The following RYR2 variants were observed in gnomAD, a reference collection of about 807,000 sequenced individuals.
RYR2 encodes the protein cardiac muscle ryanodine receptor-calcium release channel.
RYR2 carries 227 observed loss-of-function variants against 601.1 expected under a neutral mutation model. That is an observed-to-expected ratio of 0.38 (90% CI 0.34 to 0.42). RYR2 has a LOEUF of 0.42. RYR2 is among the 10% of genes least tolerant of loss of function. The pLI, the probability that RYR2 is intolerant of heterozygous loss-of-function variation, is 1.00. For synonymous variants in RYR2, 2,223 were observed against 2,175.1 expected (o/e 1.02, Z -0.61); for missense variants, 4,646 against 6,156.5 (o/e 0.75, Z 8.21).
intron 74 of RYR2, among the ~76,000 whole-genome samples, chr1:237,724,458 ATAATTTCTC>A (rs758831797): frequency 4.0e-5 from 6 of 151,680 alleles, no homozygotes; most frequent in Non-Finnish European, 8.8e-5. Context: ...CCAAACGTTA[ATAATTTCTC>A]TATTGTCATG....
At position 237,244,667 on chromosome 1, in the gene RYR2, A is replaced by G. The variant is rs532178389; in HGVS notation, c.49-25830A>G. Among the ~76,000 whole-genome samples, 458 of 152,210 alleles carry G rather than the reference A, an allele frequency of 3.0e-3. 1 individual carries two copies. The highest frequency in any genetic ancestry group is 5.2e-3 in the South Asian group (25 of 4,812). ...CTTTTCCTCTCGGAATCCCGTCTCT[A>G]TCACTAGAGAGGGAGCTCTTTTCCT... On this transcript the variant is annotated intron_variant, in intron 1 of 104. Transcript: ENST00000366574.
intron 61 of RYR2, among the ~76,000 whole-genome samples, chr1:237,679,262 C>A (rs984782125): frequency 1.3e-5 from 2 of 152,088 alleles, no homozygotes; most frequent in African/African-American, 2.4e-5. Flanking sequence ...TACTCAGCAC[C>A]CCCGGTGCAT....
intron 20 of RYR2, among the ~76,000 whole-genome samples, chr1:237,498,594 C>T (rs1275151955): frequency 1.3e-5 from 2 of 151,320 alleles, no homozygotes; most frequent in African/African-American, 2.4e-5. Flanking sequence ...AAACATTGAT[C>T]GACAATGCCA....
intron 1 of RYR2, among the ~76,000 whole-genome samples, chr1:237,251,102 A>G (rs755231541): frequency 1.3e-5 from 2 of 151,664 alleles, no homozygotes; most frequent in African/African-American, 2.4e-5. Flanking sequence ...TTTTATTTCT[A>G]CAAAGACAGG....
intron 10 of RYR2, among the ~76,000 whole-genome samples, chr1:237,404,281 C>A (rs75092415): frequency 0.041 from 6,222 of 152,188 alleles, 205 homozygotes; most frequent in Non-Finnish European, 0.067. Flanking sequence ...TTATAGAGAA[C>A]AACTCATTAC....
chr1:237,250,856 A>G (rs1013912843), intron 1 of RYR2, among the ~76,000 whole-genome samples: 4 of 152,168 alleles, frequency 2.6e-5, no homozygotes, highest in Non-Finnish European at 5.9e-5. Context: ...CCTCAAGTGT[A>G]TCAAAAACAC....
At chr1:237,122,945 G>A (rs1190605176) in intron 1 of RYR2, among the ~76,000 whole-genome samples, 2 of 152,078 alleles carry the variant, frequency 1.3e-5, no homozygotes, top group Non-Finnish European at 2.9e-5. Context: ...AAATTTTCAT[G>A]GACTCTGAGA....
chr1:237,446,693 C>T (rs1243648535), intron 14 of RYR2, among the ~76,000 whole-genome samples: 1 of 152,124 alleles, frequency 6.6e-6, no homozygotes, highest in Non-Finnish European at 1.5e-5. Flanking sequence ...AAAATGTGCA[C>T]AGCATTTGGC....
intron 2 of RYR2, among the ~76,000 whole-genome samples, chr1:237,322,244 A>G (rs1230610461): frequency 1.3e-5 from 2 of 152,228 alleles, no homozygotes; most frequent in East Asian, 3.8e-4. Flanking sequence ...ACTATATTAC[A>G]TAATTAATTG....
At chr1:237,061,215 A>ATCTG (rs1427251175) in intron 1 of RYR2, among the ~76,000 whole-genome samples, 4 of 138,114 alleles carry the variant, frequency 2.9e-5, no homozygotes, top group African/African-American at 1.1e-4. Flanking sequence ...CGGTTGTTCT[A>ATCTG]TCTATCTATC....
chr1:237,492,870 A>T (rs1663549296), intron 18 of RYR2, 84 bp from the exon 19 acceptor site: 1 of 1,257,518 alleles, frequency 8.0e-7, no homozygotes, highest in Non-Finnish European at 1.0e-6. Flanking sequence ...GAAGGAAGGA[A>T]GAAGGGAAGG....
At chr1:237,053,623 A>T (rs1030746683) in intron 1 of RYR2, among the ~76,000 whole-genome samples, 58 of 152,188 alleles carry the variant, frequency 3.8e-4, no homozygotes, top group Non-Finnish European at 7.4e-5. Context: ...TTCATTCTGA[A>T]ATGTTCGTGG....
At position 237,084,511 on chromosome 1, in the gene RYR2, A is replaced by T. The variant is rs78877112; in HGVS notation, c.48+41942A>T. ...GCATGTCTAGTTATTCATGAACATT[A>T]AGGTTGTTATTGCTTTAATTCACAA... On this transcript the variant is annotated intron_variant, in intron 1 of 104. Transcript: ENST00000366574. Among the ~76,000 whole-genome samples the T allele has an allele frequency of 7.2e-5, 11 of 152,214 alleles. No homozygotes were observed. The East Asian group carries it at 2.1e-3, about 29-fold the overall frequency.
At chr1:237,546,004 A>G (rs974901737) in intron 25 of RYR2, among the ~76,000 whole-genome samples, 9 of 150,962 alleles carry the variant, frequency 6.0e-5, no homozygotes, top group African/African-American at 1.9e-4. Flanking sequence ...CTATATCTAT[A>G]TATTCTAAAA....
intron 22 of RYR2, among the ~76,000 whole-genome samples, chr1:237,504,472 G>C (rs1273390606): frequency 6.6e-6 from 1 of 152,172 alleles, no homozygotes; most frequent in Non-Finnish European, 1.5e-5. Context: ...CACAATGGTG[G>C]AATGTCATCA....
intron 35 of RYR2, among the ~76,000 whole-genome samples, chr1:237,605,312 C>G (rs189082648): frequency 6.6e-6 from 1 of 152,042 alleles, no homozygotes; most frequent in African/African-American, 2.4e-5. Context: ...ACAGAACCAA[C>G]GACAAAAACC....
intron 17 of RYR2, among the ~76,000 whole-genome samples, chr1:237,480,248 G>C (rs567476929): frequency 9.9e-5 from 15 of 151,934 alleles, no homozygotes; most frequent in South Asian, 2.1e-4. Context: ...GTGAAACCTC[G>C]TCTGTACTAA....
At chr1:237,374,606 T>C in intron 6 of RYR2, 111 bp from the exon 7 acceptor site, 1 of 829,288 alleles carries the variant, frequency 1.2e-6, no homozygotes, top group Non-Finnish European at 2.0e-6. Flanking sequence ...TGCAGTGAGC[T>C]GTGATCACGC....
intron 100 of RYR2, among the ~76,000 whole-genome samples, chr1:237,814,536 T>C (rs1392263141): frequency 4.0e-5 from 6 of 148,802 alleles, no homozygotes; most frequent in African/African-American, 1.3e-4. Flanking sequence ...TGCAGTGTTA[T>C]AGACAAGTCA....
Sources: allele counts gnomAD v4.1 joint callset (sites outside exome capture counted in the v4.1 genomes callset), GRCh38; gene constraint gnomAD v4.1.1; transcripts MANE v1.5; gene names NCBI Gene and HGNC (gene_info 2026-07-23, HGNC 2026-07-21).